The following CDC14A variants were observed in gnomAD, a reference collection of about 807,000 sequenced individuals.
CDC14A encodes dual specificity protein phosphatase CDC14A.
Under a neutral mutation model 74.4 loss-of-function variants are expected in CDC14A, and 53 were observed. The observed-to-expected ratio is 0.71, with a 90% CI of 0.57 to 0.89. The LOEUF (loss-of-function observed/expected upper bound fraction) is 0.89. CDC14A is among the 40% of genes least tolerant of loss of function. CDC14A has a pLI of 0.00. For missense variants in CDC14A, 646 were observed against 713.7 expected, an observed-to-expected ratio of 0.91 and a Z score of 1.08; for synonymous variants, 247 against 258.4, an observed-to-expected ratio of 0.96 and a Z score of 0.43.
At chr1:100,435,749 G>A (rs989622871) in intron 5 of CDC14A, among the ~76,000 whole-genome samples, 4 of 150,180 alleles carry the variant, frequency 2.7e-5, no homozygotes, top group Non-Finnish European at 4.4e-5. Flanking sequence ...GCTTGAACCC[G>A]GGAGGCAGAG....
At chr1:100,388,841 A>G (rs1657242169) in intron 3 of CDC14A, among the ~76,000 whole-genome samples, 1 of 152,120 alleles carries the variant, frequency 6.6e-6, no homozygotes. Context: ...ATGAGCCATC[A>G]CACCTGGCCT....
chr1:100,491,548 CTATATATATATA>C (rs67056785), intron 11 of CDC14A, among the ~76,000 whole-genome samples: 4 of 38,762 alleles, frequency 1.0e-4, no homozygotes, highest in African/African-American at 3.5e-4. Flanking sequence ...CTCTCTCTCT[CTATATATATATA>C]TATATATATA....
At chr1:100,420,031 T>TATACACAC (rs1289903598) in intron 4 of CDC14A, among the ~76,000 whole-genome samples, 6 of 82,866 alleles carry the variant, frequency 7.2e-5, no homozygotes, top group African/African-American at 2.1e-4. Context: ...TATACATATA[T>TATACACAC]ACACACACAC....
intron 3 of CDC14A, among the ~76,000 whole-genome samples, chr1:100,380,213 A>C (rs1490946145): frequency 6.6e-6 from 1 of 152,214 alleles, no homozygotes; most frequent in East Asian, 1.9e-4. Context: ...TGTCCAATAT[A>C]ATTTTAGGAA....
rs28361231 is a variant in CDC14A at position 100,443,524 on chromosome 1, A to C, written c.519+528A>C. Among the ~76,000 whole-genome samples, 875 of 151,402 alleles carry C rather than the reference A, an allele frequency of 5.8e-3. 16 individuals are homozygous for C. Among genetic ancestry groups the C allele is most frequent in the African/African-American group, 0.021 (848 of 41,176 alleles). On this transcript the variant is annotated intron_variant, in intron 7 of 15. Coordinates refer to ENST00000336454, the MANE Select transcript of CDC14A (RefSeq NM_003672.4). ...CTAATTTTTTTTTTTTTTTAAAGAC[A>C]GGATTTCACCATGTTGCCCAGGCTG...
chr1:100,380,505 A>G (rs978046085), intron 3 of CDC14A, among the ~76,000 whole-genome samples: 4 of 152,062 alleles, frequency 2.6e-5, no homozygotes, highest in Non-Finnish European at 4.4e-5. Flanking sequence ...TGTCTGCTTC[A>G]CTTCCACGAA....
rs775911819 is a variant in CDC14A, at chr1:100,352,907, C to A, written c.-48C>A. ...TGGGGAAGCCCCCGGGGGCGAGTGA[C>A]TTCAGCTGGCCACGACCCAGCCCTC... On this transcript the variant is annotated 5_prime_UTR_variant, in exon 1 of 16. Coordinates refer to ENST00000336454, the MANE Select transcript of CDC14A (RefSeq NM_003672.4). 1.2e-6 allele frequency: 2 copies of A among 1,612,712 alleles called. No homozygotes were observed. The highest frequency in any genetic ancestry group is 8.5e-7 in the Non-Finnish European group (1 of 1,179,832).
chr1:100,481,833 A>G (rs1669506961), intron 10 of CDC14A, among the ~76,000 whole-genome samples: 1 of 152,226 alleles, frequency 6.6e-6, no homozygotes, highest in Non-Finnish European at 1.5e-5. Context: ...GCTTCATAAG[A>G]TTTGATTTTT....
intron 7 of CDC14A, among the ~76,000 whole-genome samples, chr1:100,446,785 C>A (rs1472533401): frequency 6.6e-6 from 1 of 152,148 alleles, no homozygotes; most frequent in African/African-American, 2.4e-5. Context: ...GTAGCCTTGA[C>A]CCTCTGGGCT....
intron 13 of CDC14A, 50 bp downstream of exon 13, chr1:100,496,099 T>C (rs746461211): frequency 6.8e-7 from 1 of 1,477,684 alleles, no homozygotes; most frequent in South Asian, 1.1e-5. Flanking sequence ...ATATGCTTCC[T>C]TTTAGCCATG....
chr1:100,468,675 C>T (rs549636245), intron 10 of CDC14A, among the ~76,000 whole-genome samples: 1 of 152,338 alleles, frequency 6.6e-6, no homozygotes, highest in South Asian at 2.1e-4. Context: ...TTTATTCCCA[C>T]AGCCATTCAT....
intron 15 of CDC14A, among the ~76,000 whole-genome samples, chr1:100,506,639 GAA>G (rs759184055): frequency 4.6e-5 from 7 of 152,126 alleles, no homozygotes; most frequent in Non-Finnish European, 1.0e-4. Flanking sequence ...CTGTACATTT[GAA>G]AAGACTTGAA....
intron 5 of CDC14A, among the ~76,000 whole-genome samples, chr1:100,430,146 A>G (rs1663484539): frequency 6.6e-6 from 1 of 152,240 alleles, no homozygotes. Context: ...TGTGGAACAA[A>G]AAACATCTCT....
At chr1:100,370,017 T>G (rs1362762283) in intron 2 of CDC14A, among the ~76,000 whole-genome samples, 2 of 151,508 alleles carry the variant, frequency 1.3e-5, no homozygotes, top group African/African-American at 2.4e-5. Flanking sequence ...AGGGTCTCAT[T>G]TTGTCACCCA....
intron 3 of CDC14A, among the ~76,000 whole-genome samples, chr1:100,386,676 G>T (rs1309440608): frequency 1.3e-5 from 2 of 152,104 alleles, no homozygotes; most frequent in Non-Finnish European, 2.9e-5. Flanking sequence ...CCTTCCTGTG[G>T]TCCCAGCTAC....
chr1:100,405,947 TCGC>T (rs1360467841), intron 4 of CDC14A, among the ~76,000 whole-genome samples: 1 of 152,212 alleles, frequency 6.6e-6, no homozygotes, highest in Admixed American at 6.5e-5. Context: ...CTTTGAGGAA[TCGC>T]CACACTGTCT....
At chr1:100,418,109 A>G (rs1661762659) in intron 4 of CDC14A, among the ~76,000 whole-genome samples, 1 of 152,154 alleles carries the variant, frequency 6.6e-6, no homozygotes, top group Non-Finnish European at 1.5e-5. Context: ...TAATAATGGA[A>G]CCTAACTCGG....
chr1:100,391,805 A>G (rs1657744808), intron 4 of CDC14A, among the ~76,000 whole-genome samples: 1 of 152,222 alleles, frequency 6.6e-6, no homozygotes, highest in Admixed American at 6.5e-5. Flanking sequence ...GTGCAGGCTG[A>G]GAAGAGTGGC....
intron 4 of CDC14A, among the ~76,000 whole-genome samples, chr1:100,412,242 C>G (rs1025330961): frequency 2.6e-5 from 4 of 152,120 alleles, no homozygotes; most frequent in African/African-American, 9.7e-5. Context: ...TCCGATTTCT[C>G]TTATGCTACT....
Sources: allele counts gnomAD v4.1 joint callset (sites outside exome capture counted in the v4.1 genomes callset), GRCh38; gene constraint gnomAD v4.1.1; transcripts MANE v1.5; gene names NCBI Gene and HGNC (gene_info 2026-07-23, HGNC 2026-07-21).